Variants in CLVS1 observed in about 807,000 individuals in gnomAD.
The protein encoded by CLVS1 is clavesin 1, also known as clavesin-1.
Under a neutral mutation model 33.1 loss-of-function variants are expected in CLVS1, and 10 were observed. That is an observed-to-expected ratio of 0.30 (90% CI 0.19 to 0.51). The LOEUF is 0.51. Ranked by LOEUF, CLVS1 falls within the 20% of genes least tolerant of loss-of-function variation. The pLI is 0.97. For missense variants in CLVS1, 343 were observed against 433.4 expected (o/e 0.79, Z 1.85); for synonymous variants, 163 against 166.1 (o/e 0.98, Z 0.14).
chr8:61,401,970 A>C (rs1814782948), intron 3 of CLVS1, among the ~76,000 whole-genome samples: 1 of 152,120 alleles, frequency 6.6e-6, no homozygotes, highest in Admixed American at 6.6e-5. Context: ...TGCATTGTTG[A>C]TTTAAGTTTC....
At chr8:61,496,182 C>T (rs35663793) in intron 5 of CLVS1, among the ~76,000 whole-genome samples, 1,971 of 152,264 alleles carry the variant, frequency 0.013, 23 homozygotes, top group Middle Eastern at 0.034. Flanking sequence ...CACTGTTTCC[C>T]TCTAACTCTG....
intron 2 of CLVS1, among the ~76,000 whole-genome samples, chr8:61,166,423 C>G (rs530120256): frequency 2.0e-5 from 3 of 152,128 alleles, no homozygotes; most frequent in Non-Finnish European, 4.4e-5. Flanking sequence ...TGTGAGCCAC[C>G]GTGCCCGACC....
chr8:61,110,131 C>T (rs575291984), intron 1 of CLVS1, among the ~76,000 whole-genome samples: 4 of 152,278 alleles, frequency 2.6e-5, no homozygotes, highest in African/African-American at 7.2e-5. Context: ...TTGGCTGAAT[C>T]GGAGCTGTCT....
rs1348090248 is a variant in CLVS1 at position 61,248,863 on chromosome 8, T to C, written c.-151-50814T>C. Among the ~76,000 whole-genome samples, 8 of 152,128 alleles carry C rather than the reference T, an allele frequency of 5.3e-5. No individual in the cohort carries two copies. The East Asian group carries it at 1.3e-3, about 26-fold the overall frequency. On this transcript the variant is annotated intron_variant, in intron 2 of 2. Transcript: ENST00000522621. ...ATTAGGGCATGTAATACATTTATGC[T>C]AATCATACATATGAGGTTAATGAGG...
chr8:61,355,109 G>C (rs995309926), intron 2 of CLVS1, among the ~76,000 whole-genome samples: 12 of 152,046 alleles, frequency 7.9e-5, no homozygotes, highest in African/African-American at 2.9e-4. Flanking sequence ...ACTTTCTGCT[G>C]AGCTATGATA....
intron 2 of CLVS1, among the ~76,000 whole-genome samples, chr8:61,348,808 A>T (rs958130087): frequency 3.9e-5 from 6 of 152,150 alleles, no homozygotes; most frequent in African/African-American, 1.4e-4. Context: ...ACTGTTTTTC[A>T]TAATGGTTGT....
Position 61,166,563 on chromosome 8 carries a change from A to G in CLVS1, c.-152+34703A>G, listed in dbSNP as rs16926974. Among the ~76,000 whole-genome samples the G allele has an allele frequency of 7.4e-3, 1,117 of 151,712 alleles. 17 individuals carry two copies. Among genetic ancestry groups the G allele is most frequent in the African/African-American group, 0.026 (1,078 of 41,364 alleles). Reference sequence around the variant, plus strand: ...AATAAAAGCTTTTTTTTTTGTTTCAATTGTTTGTTTGCTTTCTCCCTTCTC... The same window carrying G: ...AATAAAAGCTTTTTTTTTTGTTTCAGTTGTTTGTTTGCTTTCTCCCTTCTC... On this transcript the variant is annotated intron_variant, in intron 2 of 2. Coordinates refer to the CLVS1 transcript ENST00000522621.
intron 1 of CLVS1, among the ~76,000 whole-genome samples, chr8:61,075,663 C>A (rs1260355981): frequency 2.6e-5 from 4 of 152,216 alleles, no homozygotes; most frequent in Non-Finnish European, 5.9e-5. Flanking sequence ...TGATTTCCCT[C>A]AGATCTCTTA....
intron 2 of CLVS1, among the ~76,000 whole-genome samples, chr8:61,352,448 A>G (rs1812508071): frequency 6.6e-6 from 1 of 152,076 alleles, no homozygotes. Context: ...AAAAATAATT[A>G]TGCCAAATGC....
At position 61,288,096 on chromosome 8, in the gene CLVS1, G is replaced by A; in HGVS notation, c.-194G>A. 1 of 456,262 alleles carries A rather than the reference G, an allele frequency of 2.2e-6. No homozygotes were observed. The highest frequency in any genetic ancestry group is 2.3e-5 in the Admixed American group (1 of 42,584). 28.3% of individuals were successfully genotyped at this position (456,262 alleles called of 1,614,324 possible). A position where few individuals can be genotyped will look rare whatever the true frequency, so the allele number is the denominator to read the frequency against. On this transcript the variant is annotated 5_prime_UTR_variant, in exon 1 of 6. Transcript: ENST00000325897. ...ACCCAGTTCAGCAGCGAGGACACCT[G>A]CAGAAATACATTCCCAAAGCAAGGC...
chr8:61,076,867 T>A (rs546504135), intron 1 of CLVS1, among the ~76,000 whole-genome samples: 1 of 152,212 alleles, frequency 6.6e-6, no homozygotes, highest in Non-Finnish European at 1.5e-5. Flanking sequence ...ACCCATTTAA[T>A]GCAATGGTAT....
At chr8:60,984,132 A>G in the CLVS1 span, among the ~76,000 whole-genome samples, 1 of 152,008 alleles carries the variant, frequency 6.6e-6, no homozygotes, top group South Asian at 2.1e-4. Flanking sequence ...GGTGGTGAGG[A>G]TGACCCTGGA....
intron 2 of CLVS1, among the ~76,000 whole-genome samples, chr8:61,374,913 G>T (rs1167954022): frequency 6.6e-6 from 1 of 152,124 alleles, no homozygotes; most frequent in Non-Finnish European, 1.5e-5. Flanking sequence ...ATGATTTTTA[G>T]TAAGAAGAAC....
intron 3 of CLVS1, among the ~76,000 whole-genome samples, chr8:61,381,603 A>C (rs540341388): frequency 1.3e-5 from 2 of 152,142 alleles, no homozygotes; most frequent in South Asian, 2.1e-4. Flanking sequence ...CTCCAACTTT[A>C]AGTAGGTCCT....
chr8:61,071,113 C>G (rs1050707707), intron 1 of CLVS1, among the ~76,000 whole-genome samples: 3 of 152,198 alleles, frequency 2.0e-5, no homozygotes, highest in Non-Finnish European at 4.4e-5. Context: ...AGAGAAAGGC[C>G]TACCCTGGAG....
intron 2 of CLVS1, among the ~76,000 whole-genome samples, chr8:61,170,005 TTAATATA>T (rs1806959560): frequency 6.6e-6 from 1 of 152,196 alleles, no homozygotes; most frequent in South Asian, 2.1e-4. Context: ...TGAAGTATAA[TTAATATA>T]TAATAAGCTG....
At chr8:61,006,716 T>C in the CLVS1 span, among the ~76,000 whole-genome samples, 1 of 152,282 alleles carries the variant, frequency 6.6e-6, no homozygotes, top group East Asian at 1.9e-4. Flanking sequence ...CAGAAAAACA[T>C]CACTCACAAG....
At chr8:61,138,940 C>G (rs913264048) in intron 2 of CLVS1, among the ~76,000 whole-genome samples, 1 of 152,256 alleles carries the variant, frequency 6.6e-6, no homozygotes, top group Non-Finnish European at 1.5e-5. Flanking sequence ...TTGTTCCAAA[C>G]CAGATCTCTT....
intron 2 of CLVS1, among the ~76,000 whole-genome samples, chr8:61,306,243 A>C (rs1156391735): frequency 6.6e-6 from 1 of 152,160 alleles, no homozygotes; most frequent in African/African-American, 2.4e-5. Context: ...CTGGTATGAG[A>C]TGGTACCTCA....
Sources: gnomAD v4.1 joint callset for allele counts (sites outside exome capture counted in the v4.1 genomes callset) on GRCh38, gnomAD v4.1.1 for gene constraint, MANE v1.5 for transcripts, NCBI Gene and HGNC (gene_info 2026-07-23, HGNC 2026-07-21) for gene names.